UNC5C: variants seen among roughly 807,000 people sequenced by gnomAD.
UNC5C encodes unc-5 netrin receptor C.
Under a neutral mutation model 99.8 loss-of-function variants are expected in UNC5C, and 47 were observed. That is an observed-to-expected ratio of 0.47 (90% CI 0.37 to 0.60). The LOEUF (loss-of-function observed/expected upper bound fraction) is 0.60, where lower values mean the gene tolerates loss of function less well. UNC5C is among the 20% of genes least tolerant of loss of function. The probability of loss-of-function intolerance (pLI) is 0.00; values close to 1 mark genes in which losing one functional copy is unlikely to be tolerated. For missense variants in UNC5C, 1,062 were observed against 1,165.9 expected (o/e 0.91, Z 1.30); for synonymous variants, 487 against 452.2 (o/e 1.08, Z -0.98).
At chr4:95,460,527 C>T (rs867158718) in intron 1 of UNC5C, among the ~76,000 whole-genome samples, 12 of 152,230 alleles carry the variant, frequency 7.9e-5, no homozygotes, top group African/African-American at 2.9e-4. Context: ...ATAAGTCCCA[C>T]GAGATCTGAC....
chr4:95,522,990 G>A (rs1399015496), intron 1 of UNC5C, among the ~76,000 whole-genome samples: 2 of 152,098 alleles, frequency 1.3e-5, no homozygotes, highest in African/African-American at 4.8e-5. Flanking sequence ...ACACTGATGG[G>A]TACCTTGTCT....
intron 1 of UNC5C, among the ~76,000 whole-genome samples, chr4:95,465,976 G>C (rs1578178476): frequency 6.6e-6 from 1 of 152,204 alleles, no homozygotes; most frequent in African/African-American, 2.4e-5. Context: ...GGTATATAGC[G>C]ACAAGCTAGT....
At chr4:95,400,688 G>T (rs1745665290) in intron 1 of UNC5C, among the ~76,000 whole-genome samples, 2 of 152,136 alleles carry the variant, frequency 1.3e-5, no homozygotes, top group African/African-American at 4.8e-5. Context: ...ACCGCGCCCG[G>T]CCCACAATGA....
chr4:95,419,483 G>A (rs1195739295), intron 1 of UNC5C, among the ~76,000 whole-genome samples: 2 of 152,056 alleles, frequency 1.3e-5, no homozygotes, highest in African/African-American at 4.8e-5. Flanking sequence ...TTGAGAAAAG[G>A]TGAACACTGA....
rs1434979489 is a variant in UNC5C, at chr4:95,184,197, A to ATGAT, written c.2286+846_2286+849dup. ...TGGCATGCAACCTCCGTCAAAGCTCATGATTGTTAACAAACCAGTAGGCTT... is the reference window on the plus strand; with the variant it reads ...TGGCATGCAACCTCCGTCAAAGCTCATGATTGATTGTTAACAAACCAGTAGGCTT... On this transcript the variant is annotated intron_variant, in intron 13 of 15. Coordinates refer to ENST00000453304, the MANE Select transcript of UNC5C (RefSeq NM_003728.4). Among the ~76,000 whole-genome samples the ATGAT allele has an allele frequency of 4.6e-5, 7 of 152,320 alleles. No individual in the cohort carries two copies. In the South Asian group the frequency reaches 8.3e-4, roughly 18 times the overall value.
intron 14 of UNC5C, among the ~76,000 whole-genome samples, chr4:95,176,308 G>A (rs1418354231): frequency 4.6e-5 from 7 of 152,198 alleles, no homozygotes; most frequent in Non-Finnish European, 1.0e-4. Flanking sequence ...CTTTGGAGGA[G>A]GAGAGGCGCT....
chr4:95,336,030 A>G (rs772146303), intron 1 of UNC5C, among the ~76,000 whole-genome samples: 14 of 151,952 alleles, frequency 9.2e-5, no homozygotes, highest in Non-Finnish European at 1.9e-4. Flanking sequence ...TTTGAAAATC[A>G]TAAGGCTCAT....
intron 1 of UNC5C, among the ~76,000 whole-genome samples, chr4:95,513,505 C>G (rs1222093976): frequency 6.6e-6 from 1 of 152,094 alleles, no homozygotes; most frequent in African/African-American, 2.4e-5. Flanking sequence ...CATTAATAGA[C>G]AAATTTTGCT....
intron 1 of UNC5C, among the ~76,000 whole-genome samples, chr4:95,471,210 T>C: frequency 6.6e-6 from 1 of 152,124 alleles, no homozygotes; most frequent in Non-Finnish European, 1.5e-5. Flanking sequence ...TTGGAAATGG[T>C]GATTTTTGTT....
intron 1 of UNC5C, among the ~76,000 whole-genome samples, chr4:95,387,924 C>A (rs1352573212): frequency 6.6e-6 from 1 of 152,150 alleles, no homozygotes; most frequent in Admixed American, 6.5e-5. Context: ...TAAGTAAAAC[C>A]CGTAAGAATT....
intron 3 of UNC5C, among the ~76,000 whole-genome samples, chr4:95,290,341 GTGTT>G (rs1741396735): frequency 1.2e-5 from 1 of 81,090 alleles, no homozygotes; most frequent in Non-Finnish European, 2.2e-5. Flanking sequence ...AAGTTTGGTG[GTGTT>G]TTTTTTTTTT....
Position 95,249,934 on chromosome 4 carries a change from A to C in UNC5C, c.775+553T>G, listed in dbSNP as rs554407763. On this transcript the variant is annotated intron_variant, in intron 5 of 15. Transcript: ENST00000453304. ...GGAATAGGTCAGCTCCCGCTTTCTG[A>C]GGGTTTGCAATGATAAGACTGAGGT... is the stretch of plus-strand genomic sequence containing the variant. Among the ~76,000 whole-genome samples the C allele has an allele frequency of 5.9e-5, 9 of 152,286 alleles. 1 individual carries two copies. The South Asian group carries it at 1.9e-3, about 32-fold the overall frequency.
chr4:95,272,958 T>C (rs1676714339), intron 4 of UNC5C, among the ~76,000 whole-genome samples: 1 of 152,236 alleles, frequency 6.6e-6, no homozygotes, highest in South Asian at 2.1e-4. Flanking sequence ...AGCAGCCATA[T>C]GAATAATCAA....
chr4:95,271,266 C>T (rs979686634), intron 4 of UNC5C, among the ~76,000 whole-genome samples: 28 of 151,030 alleles, frequency 1.9e-4, no homozygotes, highest in East Asian at 2.0e-4. Context: ...CTCGCTCTGT[C>T]GCCCAGGCTG....
chr4:95,520,344 T>C (rs775447486), intron 1 of UNC5C, among the ~76,000 whole-genome samples: 10 of 152,166 alleles, frequency 6.6e-5, no homozygotes, highest in Admixed American at 2.0e-4. Context: ...CACTTAAACA[T>C]TTTTCATTTT....
chr4:95,184,100 A>G (rs137910746), intron 13 of UNC5C, among the ~76,000 whole-genome samples: 30 of 152,354 alleles, frequency 2.0e-4, no homozygotes, highest in African/African-American at 7.2e-4. Context: ...AGAAGAAAGC[A>G]AAGAAAGAGG....
At chr4:95,438,113 G>A (rs898640361) in intron 1 of UNC5C, among the ~76,000 whole-genome samples, 4 of 152,042 alleles carry the variant, frequency 2.6e-5, no homozygotes, top group African/African-American at 9.7e-5. Context: ...TTTTAGGTAA[G>A]TCAATCAACA....
chr4:95,343,660 C>T (rs1242996650), intron 1 of UNC5C, among the ~76,000 whole-genome samples: 7 of 151,948 alleles, frequency 4.6e-5, no homozygotes, highest in Non-Finnish European at 8.8e-5. Flanking sequence ...AAAATAACTG[C>T]TTTGAGGAAG....
intron 7 of UNC5C, among the ~76,000 whole-genome samples, chr4:95,242,109 C>G (rs1739345931): frequency 6.6e-6 from 1 of 152,144 alleles, no homozygotes; most frequent in Non-Finnish European, 1.5e-5. Flanking sequence ...CTTGTTTTGA[C>G]TCTGTGAGGA....
Sources: allele counts gnomAD v4.1 joint callset (sites outside exome capture counted in the v4.1 genomes callset), GRCh38; gene constraint gnomAD v4.1.1; transcripts MANE v1.5; gene names NCBI Gene and HGNC (gene_info 2026-07-23, HGNC 2026-07-21).